The following ROBO1 variants were observed in gnomAD, a reference collection of about 807,000 sequenced individuals.
ROBO1 encodes roundabout guidance receptor 1.
ROBO1 carries 149 observed loss-of-function variants against 195.9 expected under a neutral mutation model. That is an observed-to-expected ratio of 0.76 (90% CI 0.67 to 0.87). The LOEUF is 0.87. Among genes scored for constraint, ROBO1 ranks in the 40% least tolerant of loss-of-function variants. The pLI, the probability that ROBO1 is intolerant of heterozygous loss-of-function variation, is 0.00. For synonymous variants in ROBO1, 816 were observed against 733.2 expected (o/e 1.11, Z -1.82); for missense variants, 1,933 against 2,068.3 (o/e 0.93, Z 1.27).
chr3:78,801,536 C>G (rs761789885), intron 4 of ROBO1, among the ~76,000 whole-genome samples: 6 of 151,992 alleles, frequency 3.9e-5, no homozygotes, highest in Admixed American at 3.9e-4. Flanking sequence ...ATGAAAATGT[C>G]ATATTTGGGC....
rs558657705 is a variant in ROBO1 at position 79,067,177 on chromosome 3, C to G, written c.172+58279G>C. 6.6e-5 allele frequency among the ~76,000 whole-genome samples: 10 copies of G among 151,962 alleles called. No homozygotes were observed. In the South Asian group the frequency reaches 2.1e-3, roughly 32 times the overall value. Reference sequence around the variant, plus strand: ...AGTTTTTCCAATTACAAAGATATGTCTCATGATTTTAAGGAGCCAGGAGAG... The same window carrying G: ...AGTTTTTCCAATTACAAAGATATGTGTCATGATTTTAAGGAGCCAGGAGAG... On this transcript the variant is annotated intron_variant, in intron 3 of 30. Coordinates refer to ENST00000464233, the MANE Select transcript of ROBO1 (RefSeq NM_002941.4).
At chr3:78,723,434 T>C (rs2082089614) in intron 5 of ROBO1, among the ~76,000 whole-genome samples, 1 of 152,182 alleles carries the variant, frequency 6.6e-6, no homozygotes, top group Non-Finnish European at 1.5e-5. Flanking sequence ...CATTAATCAA[T>C]GCATGACTGT....
intron 3 of ROBO1, among the ~76,000 whole-genome samples, chr3:79,046,368 C>T (rs2078592312): frequency 6.6e-6 from 1 of 152,128 alleles, no homozygotes; most frequent in Non-Finnish European, 1.5e-5. Context: ...ATCTTGAATG[C>T]AGCTTTGTGA....
intron 4 of ROBO1, among the ~76,000 whole-genome samples, chr3:78,773,565 T>C (rs1190298201): frequency 6.6e-6 from 1 of 152,168 alleles, no homozygotes; most frequent in Non-Finnish European, 1.5e-5. Context: ...AAGAAACATA[T>C]ATCTTCAGAA....
intron 2 of ROBO1, among the ~76,000 whole-genome samples, chr3:79,464,711 T>A (rs1188912123): frequency 6.6e-6 from 1 of 152,256 alleles, no homozygotes; most frequent in Non-Finnish European, 1.5e-5. Context: ...CTTGATGATA[T>A]CCATTATTAC....
At chr3:79,446,628 T>C (rs2039267183) in intron 2 of ROBO1, among the ~76,000 whole-genome samples, 1 of 152,214 alleles carries the variant, frequency 6.6e-6, no homozygotes, top group South Asian at 2.1e-4. Context: ...TTGTTCTTGA[T>C]GTGCATGCTA....
At chr3:79,696,409 A>T (rs1356757362) in intron 1 of ROBO1, among the ~76,000 whole-genome samples, 1 of 150,090 alleles carries the variant, frequency 6.7e-6, no homozygotes, top group African/African-American at 2.4e-5. Context: ...GAATTGATCT[A>T]TAACTTGGCA....
At chr3:79,658,294 G>A (rs962134099) in intron 1 of ROBO1, among the ~76,000 whole-genome samples, 4 of 152,038 alleles carry the variant, frequency 2.6e-5, no homozygotes, top group African/African-American at 9.7e-5. Context: ...ATGTTCTGAT[G>A]TTACAGAACG....
chr3:79,203,834 G>A (rs2081813811), intron 2 of ROBO1, among the ~76,000 whole-genome samples: 1 of 152,116 alleles, frequency 6.6e-6, no homozygotes, highest in African/African-American at 2.4e-5. Flanking sequence ...ATCATCGGTG[G>A]TGTGAAGCCC....
chr3:78,779,615 T>C (rs2083612212), intron 4 of ROBO1, among the ~76,000 whole-genome samples: 1 of 152,160 alleles, frequency 6.6e-6, no homozygotes, highest in South Asian at 2.1e-4. Flanking sequence ...CAACAGATGC[T>C]GAAGAGGATG....
At chr3:78,928,834 G>T (rs2039353320) in intron 4 of ROBO1, among the ~76,000 whole-genome samples, 2 of 152,076 alleles carry the variant, frequency 1.3e-5, no homozygotes, top group South Asian at 2.1e-4. Context: ...TTAAATGCTG[G>T]CTCTTAATCC....
intron 2 of ROBO1, among the ~76,000 whole-genome samples, chr3:79,536,642 A>G (rs755357061): frequency 2.0e-5 from 3 of 151,798 alleles, no homozygotes; most frequent in Non-Finnish European, 4.4e-5. Flanking sequence ...GTTTATATCT[A>G]TATTAGTGAT....
At chr3:79,670,686 C>T (rs187251871) in intron 1 of ROBO1, among the ~76,000 whole-genome samples, 286 of 151,810 alleles carry the variant, frequency 1.9e-3, no homozygotes, top group Non-Finnish European at 3.1e-3. Flanking sequence ...TCTATTAAGA[C>T]GTAAGAAGCA....
At chr3:79,661,185 G>T (rs1452324766) in intron 1 of ROBO1, among the ~76,000 whole-genome samples, 8 of 152,090 alleles carry the variant, frequency 5.3e-5, no homozygotes, top group Non-Finnish European at 4.4e-5. Flanking sequence ...CCACTTTAAA[G>T]AATTACCTTT....
intron 4 of ROBO1, among the ~76,000 whole-genome samples, chr3:78,896,745 A>G (rs2037263204): frequency 6.6e-6 from 1 of 151,736 alleles, no homozygotes; most frequent in African/African-American, 2.4e-5. Context: ...AATATTGATA[A>G]ATGTGATAAT....
chr3:79,070,697 G>T (rs2079073376), intron 3 of ROBO1, among the ~76,000 whole-genome samples: 1 of 151,394 alleles, frequency 6.6e-6, no homozygotes. Flanking sequence ...GTTCTTTCTG[G>T]GACTCAGTGA....
At chr3:79,412,892 T>TTTTA in intron 2 of ROBO1, among the ~76,000 whole-genome samples, 1 of 142,020 alleles carries the variant, frequency 7.0e-6, no homozygotes, top group African/African-American at 2.6e-5. Context: ...TTTTTTTTTT[T>TTTTA]TTTTTTTTTT....
intron 25 of ROBO1, 52 bp from the exon 26 acceptor site, chr3:78,627,621 C>G (rs1704896912): frequency 6.6e-7 from 1 of 1,508,454 alleles, no homozygotes; most frequent in African/African-American, 1.4e-5. Flanking sequence ...TTCAAATAAA[C>G]TATTTGGATA....
chr3:78,871,633 T>G (rs548893241), intron 4 of ROBO1, among the ~76,000 whole-genome samples: 1 of 152,124 alleles, frequency 6.6e-6, no homozygotes, highest in African/African-American at 2.4e-5. Flanking sequence ...TTTCTAATTC[T>G]GTTTTTACAA....
Sources: gnomAD v4.1 joint callset for allele counts (sites outside exome capture counted in the v4.1 genomes callset) on GRCh38, gnomAD v4.1.1 for gene constraint, MANE v1.5 for transcripts, NCBI Gene and HGNC (gene_info 2026-07-23, HGNC 2026-07-21) for gene names.